Variants in PTPRQ observed in about 807,000 individuals in gnomAD.
The protein encoded by PTPRQ is protein tyrosine phosphatase receptor type Q.
In PTPRQ, 199 loss-of-function variants were observed where a neutral mutation model predicts 246.0. The observed-to-expected ratio is 0.81, with a 90% CI of 0.72 to 0.91. PTPRQ has a LOEUF of 0.91. Ranked by LOEUF, PTPRQ falls within the 40% of genes least tolerant of loss-of-function variation. The probability of loss-of-function intolerance (pLI) is 0.00; values close to 1 mark genes in which losing one functional copy is unlikely to be tolerated. For missense variants in PTPRQ, 2,624 were observed against 2,528.4 expected (o/e 1.04, Z -0.81); for synonymous variants, 869 against 853.2 (o/e 1.02, Z -0.32).
chr12:80,500,315 C>T (rs1425529486), intron 14 of PTPRQ, among the ~76,000 whole-genome samples: 7 of 151,978 alleles, frequency 4.6e-5, no homozygotes, highest in Admixed American at 4.6e-4. Context: ...GGACACTCTG[C>T]TATTTCAGAA....
At chr12:80,575,888 CT>C (rs1201523034) in intron 25 of PTPRQ, among the ~76,000 whole-genome samples, 1 of 147,760 alleles carries the variant, frequency 6.8e-6, no homozygotes, top group Non-Finnish European at 1.5e-5. Flanking sequence ...AAAAGAAAAT[CT>C]TTTGGCAATC....
intron 17 of PTPRQ, among the ~76,000 whole-genome samples, chr12:80,525,740 A>T (rs1895666331): frequency 1.3e-5 from 2 of 151,774 alleles, no homozygotes; most frequent in Non-Finnish European, 2.9e-5. Flanking sequence ...TACTTATAAG[A>T]AGTCAATTTA....
intron 24 of PTPRQ, 137 bp from the exon 25 acceptor site, chr12:80,549,328 A>G: frequency 2.7e-6 from 3 of 1,094,808 alleles, no homozygotes; most frequent in Non-Finnish European, 2.5e-6. Context: ...TGACTTTTTA[A>G]GCACACATTG....
At chr12:80,665,507 A>T (rs1900757652) in intron 39 of PTPRQ, among the ~76,000 whole-genome samples, 1 of 152,020 alleles carries the variant, frequency 6.6e-6, no homozygotes, top group Non-Finnish European at 1.5e-5. Context: ...GATTTCAAAC[A>T]TAATATGTCC....
At chr12:80,592,018 A>C (rs889433159) in intron 26 of PTPRQ, among the ~76,000 whole-genome samples, 1 of 152,224 alleles carries the variant, frequency 6.6e-6, no homozygotes, top group Non-Finnish European at 1.5e-5. Flanking sequence ...TTGGATTTCT[A>C]AATAATCCTA....
intron 17 of PTPRQ, among the ~76,000 whole-genome samples, chr12:80,521,354 C>G (rs1895478442): frequency 6.6e-6 from 1 of 152,110 alleles, no homozygotes; most frequent in African/African-American, 2.4e-5. Flanking sequence ...TGTGCAGAAG[C>G]TCTTTAGTTT....
intron 26 of PTPRQ, among the ~76,000 whole-genome samples, chr12:80,594,266 C>T (rs1897897552): frequency 6.6e-6 from 1 of 151,978 alleles, no homozygotes; most frequent in South Asian, 2.1e-4. Flanking sequence ...TATAAAGAAG[C>T]AATTATATAA....
At chr12:80,449,495 T>G (rs1892673386) in intron 3 of PTPRQ, among the ~76,000 whole-genome samples, 1 of 152,162 alleles carries the variant, frequency 6.6e-6, no homozygotes, top group South Asian at 2.1e-4. Flanking sequence ...CTTCTAGGGT[T>G]TTTATGGTTT....
chr12:80,619,651 T>G, intron 31 of PTPRQ, 109 bp downstream of exon 31: 1 of 823,184 alleles, frequency 1.2e-6, no homozygotes, highest in African/African-American at 1.8e-5. Flanking sequence ...ACACACCTCT[T>G]GAGATTAATA....
At chr12:80,461,398 C>T (rs1893163315) in intron 6 of PTPRQ, among the ~76,000 whole-genome samples, 1 of 152,062 alleles carries the variant, frequency 6.6e-6, no homozygotes, top group Non-Finnish European at 1.5e-5. Context: ...AGTAATAGTA[C>T]CTTCCTTAGG....
chr12:80,546,353 G>T (rs1896304681), intron 23 of PTPRQ, among the ~76,000 whole-genome samples: 1 of 151,958 alleles, frequency 6.6e-6, no homozygotes, highest in African/African-American at 2.4e-5. Context: ...GGAAAAGAAG[G>T]TGCCCAATTC....
chr12:80,463,920 A>G (rs1364185994), intron 6 of PTPRQ, among the ~76,000 whole-genome samples: 1 of 151,960 alleles, frequency 6.6e-6, no homozygotes, highest in Non-Finnish European at 1.5e-5. Flanking sequence ...ATCATGCCAA[A>G]ATGTAAAGAC....
At chr12:80,466,360 TACAA>T (rs1379139646) in intron 6 of PTPRQ, among the ~76,000 whole-genome samples, 1 of 151,978 alleles carries the variant, frequency 6.6e-6, no homozygotes, top group Non-Finnish European at 1.5e-5. Flanking sequence ...TAAAAGAGGA[TACAA>T]ACAAATGAAA....
intron 35 of PTPRQ, among the ~76,000 whole-genome samples, chr12:80,648,479 T>G (rs1298624968): frequency 6.6e-6 from 1 of 152,132 alleles, no homozygotes; most frequent in Non-Finnish European, 1.5e-5. Context: ...CAATGTGATG[T>G]CATGTTTCAT....
chr12:80,557,432 C>T (rs896854561), intron 25 of PTPRQ, among the ~76,000 whole-genome samples: 2 of 150,474 alleles, frequency 1.3e-5, no homozygotes, highest in Admixed American at 6.7e-5. Flanking sequence ...TTTCCAATGT[C>T]CAGAAAAGTA....
At chr12:80,488,050 A>C (rs1592572816) in intron 9 of PTPRQ, among the ~76,000 whole-genome samples, 1 of 149,182 alleles carries the variant, frequency 6.7e-6, no homozygotes. Flanking sequence ...AGGGCCCTGG[A>C]TTCTTGCTGG....
chr12:80,595,692 T>A (rs965445985), intron 26 of PTPRQ, among the ~76,000 whole-genome samples: 6 of 151,256 alleles, frequency 4.0e-5, no homozygotes, highest in African/African-American at 1.5e-4. Flanking sequence ...ATTAGGTATA[T>A]CTCCTAAAGC....
At chr12:80,507,218 T>TTTAC (rs10639156) in intron 16 of PTPRQ, among the ~76,000 whole-genome samples, 48,514 of 151,608 alleles carry the variant, frequency 0.32, 8,981 homozygotes, top group African/African-American at 0.51. Flanking sequence ...TAAAGTCAAC[T>TTTAC]TTACTACTGA....
intron 25 of PTPRQ, among the ~76,000 whole-genome samples, chr12:80,558,469 T>C (rs915090785): frequency 3.4e-5 from 5 of 145,572 alleles, no homozygotes; most frequent in Non-Finnish European, 6.1e-5. Context: ...CACCTGGCCT[T>C]TTTTTTTTTT....
Sources: gnomAD v4.1 joint callset for allele counts (sites outside exome capture counted in the v4.1 genomes callset) on GRCh38, gnomAD v4.1.1 for gene constraint, MANE v1.5 for transcripts, NCBI Gene and HGNC (gene_info 2026-07-23, HGNC 2026-07-21) for gene names.